FRMPD4: variants seen among roughly 807,000 people sequenced by gnomAD.
FRMPD4 encodes FERM and PDZ domain containing 4.
A neutral mutation model predicts 94.1 loss-of-function variants in FRMPD4; 22 were observed. The observed-to-expected ratio is 0.23, with a 90% CI of 0.17 to 0.33. FRMPD4 has a LOEUF of 0.33. Among genes scored for constraint, FRMPD4 ranks in the 10% least tolerant of loss-of-function variants. The probability of loss-of-function intolerance (pLI) is 1.00; values close to 1 mark genes in which losing one functional copy is unlikely to be tolerated. For synonymous variants in FRMPD4, 631 were observed against 548.6 expected (o/e 1.15, Z -2.10); for missense variants, 1,111 against 1,339.9 (o/e 0.83, Z 2.67).
At chrX:12,314,543 A>G (rs1382596362) in intron 1 of FRMPD4, among the ~76,000 whole-genome samples, 1 of 111,972 alleles carries the variant, frequency 8.9e-6, no homozygotes, top group African/African-American at 3.3e-5. Flanking sequence ...ATGCATAAAA[A>G]TTATTCAGTG....
At chrX:12,279,170 C>T (rs5978508) in intron 1 of FRMPD4, among the ~76,000 whole-genome samples, 2,753 of 112,926 alleles carry the variant, frequency 0.024, 79 homozygotes, top group African/African-American at 0.081. Flanking sequence ...TAGAAGCCAG[C>T]GGTGTTTATG....
chrX:12,359,811 G>A (rs1334105991), intron 1 of FRMPD4, among the ~76,000 whole-genome samples: 3 of 111,504 alleles, frequency 2.7e-5, no homozygotes, highest in Non-Finnish European at 5.6e-5. Flanking sequence ...ATCCGGGGAG[G>A]GAGCGGTTTT....
intron 3 of FRMPD4, among the ~76,000 whole-genome samples, chrX:11,948,371 C>T (rs1198595441): frequency 1.8e-5 from 2 of 111,263 alleles, no homozygotes; most frequent in South Asian, 3.8e-4. Flanking sequence ...AGATCTTTTG[C>T]TCTCTTTTTG....
At chrX:12,472,398 C>T (rs2057524676) in intron 1 of FRMPD4, among the ~76,000 whole-genome samples, 1 of 112,232 alleles carries the variant, frequency 8.9e-6, no homozygotes, top group Non-Finnish European at 1.9e-5. Flanking sequence ...TGGAAGTGCT[C>T]TTAAACAACG....
At chrX:12,370,309 AAAAT>A (rs2056145898) in intron 1 of FRMPD4, among the ~76,000 whole-genome samples, 1 of 112,281 alleles carries the variant, frequency 8.9e-6, no homozygotes, top group Non-Finnish European at 1.9e-5. Context: ...CATCTCCACA[AAAAT>A]AAATAAACAA....
At chrX:12,058,985 A>G (rs1377812480) in intron 3 of FRMPD4, among the ~76,000 whole-genome samples, 1 of 96,395 alleles carries the variant, frequency 1.0e-5, no homozygotes, top group Admixed American at 1.1e-4. Flanking sequence ...CAGTCTCTAA[A>G]CCTATTTTAT....
chrX:12,172,320 T>C (rs2056238413), intron 1 of FRMPD4, among the ~76,000 whole-genome samples: 1 of 110,861 alleles, frequency 9.0e-6, no homozygotes, highest in Admixed American at 9.6e-5. Flanking sequence ...GACTGTATTC[T>C]CTCCCTTGGA....
intron 1 of FRMPD4, among the ~76,000 whole-genome samples, chrX:12,182,990 G>T (rs1369339386): frequency 9.0e-6 from 1 of 111,354 alleles, no homozygotes; most frequent in East Asian, 2.8e-4. Context: ...TAAACACAAG[G>T]TCTCTGGAGC....
At chrX:12,478,450 G>T (rs756654000) in intron 1 of FRMPD4, among the ~76,000 whole-genome samples, 139 of 111,839 alleles carry the variant, frequency 1.2e-3, no homozygotes, top group African/African-American at 4.5e-3. Context: ...ATGGTGGTGC[G>T]TGCTATGCCT....
intron 1 of FRMPD4, among the ~76,000 whole-genome samples, chrX:12,262,628 T>C (rs5933977): frequency 0.32 from 35,600 of 111,369 alleles, 4,333 homozygotes; most frequent in Non-Finnish European, 0.4. Context: ...TAAGCACTCA[T>C]GTTACCTTTA....
rs755215723 is a variant in FRMPD4 at position 11,862,785 on chromosome X, G to C, written c.-160-2301G>C. ...CATACTGAGTCTGTCAGTTCTCTTA[G>C]CTTGCTGAGCTTTGTCCGTATTTTT... On this transcript the variant is annotated intron_variant, in intron 1 of 18. Transcript: ENST00000640291. Among the ~76,000 whole-genome samples, 16 of 110,414 alleles carry C rather than the reference G, an allele frequency of 1.4e-4. 1 individual carries two copies. Among genetic ancestry groups the C allele is most frequent in the Non-Finnish European group, 2.7e-4 (14 of 52,786 alleles).
intron 4 of FRMPD4, among the ~76,000 whole-genome samples, chrX:12,660,690 C>G (rs1480750927): frequency 8.9e-6 from 1 of 112,217 alleles, no homozygotes; most frequent in East Asian, 2.8e-4. Flanking sequence ...TGCAGCCTAA[C>G]AAACGTAATG....
intron 3 of FRMPD4, among the ~76,000 whole-genome samples, chrX:12,082,836 TG>T (rs758107680): frequency 1.1e-3 from 122 of 111,460 alleles, no homozygotes; most frequent in Non-Finnish European, 2.1e-3. Context: ...TAGAGATTGG[TG>T]GAACTTTGAA....
intron 1 of FRMPD4, among the ~76,000 whole-genome samples, chrX:12,437,856 A>G (rs1020409116): frequency 4.5e-5 from 5 of 112,095 alleles, no homozygotes; most frequent in African/African-American, 1.6e-4. Flanking sequence ...CTGAGAAATT[A>G]GTCATACTAT....
intron 2 of FRMPD4, among the ~76,000 whole-genome samples, chrX:12,538,041 C>T (rs2058360295): frequency 9.0e-6 from 1 of 111,067 alleles, no homozygotes; most frequent in Non-Finnish European, 1.9e-5. Flanking sequence ...ATCACCTCAC[C>T]CAGGAAGCGC....
At position 12,721,560 on chromosome X, in the gene FRMPD4, A is replaced by T. The variant is rs1461095926; in HGVS notation, c.4991A>T (p.Glu1664Val). The change falls in exon 17 of 17, where the codon GAG becomes GTG. Residue 1664 changes from glutamate to valine, a missense_variant. Glu to Val is a moderately radical substitution (Grantham distance 121, BLOSUM62 -2). Coordinates refer to ENST00000675598, the MANE Select transcript of FRMPD4 (RefSeq NM_001368397.1). ...GSACRKMAMA[E>V]KSPEEMLLAM... The stretch of plus-strand genomic sequence containing the variant: ...GCCTGTAGGAAAATGGCGATGGCTG[A>T]GAAAAGCCCGGAGGAGATGCTCCTA... 1 of 753,109 alleles carries T rather than the reference A, an allele frequency of 1.3e-6. No individual in the cohort carries two copies. Among genetic ancestry groups the T allele is most frequent in the African/African-American group, 2.3e-5 (1 of 43,169 alleles). The allele number at this position is 753,109 out of a possible 1,213,427, so 62.1% of individuals were successfully genotyped here.
intron 3 of FRMPD4, among the ~76,000 whole-genome samples, chrX:11,913,412 A>G (rs2054007145): frequency 8.9e-6 from 1 of 112,290 alleles, no homozygotes; most frequent in South Asian, 3.7e-4. Flanking sequence ...GGTCAAGGCT[A>G]AAGTCCCACC....
intron 2 of FRMPD4, among the ~76,000 whole-genome samples, chrX:12,534,572 C>T (rs1179039734): frequency 4.4e-5 from 5 of 112,470 alleles, no homozygotes; most frequent in East Asian, 5.6e-4. Flanking sequence ...CTGCCTGAGA[C>T]CATGGGAACC....
intron 2 of FRMPD4, among the ~76,000 whole-genome samples, chrX:12,594,577 A>G (rs1368341115): frequency 9.1e-6 from 1 of 110,340 alleles, no homozygotes; most frequent in Non-Finnish European, 1.9e-5. Flanking sequence ...CTGGGACTAC[A>G]GGTGCCCGCC....
Sources: gnomAD v4.1 joint callset for allele counts (sites outside exome capture counted in the v4.1 genomes callset) on GRCh38, gnomAD v4.1.1 for gene constraint, MANE v1.5 for transcripts, NCBI Gene and HGNC (gene_info 2026-07-23, HGNC 2026-07-21) for gene names.